PSTPIP2: variants seen among roughly 807,000 people sequenced by gnomAD.
PSTPIP2 encodes the protein proline-serine-threonine phosphatase-interacting protein 2.
In PSTPIP2, 33 loss-of-function variants were observed where a neutral mutation model predicts 63.3. That is an observed-to-expected ratio of 0.52 (90% CI 0.40 to 0.70). PSTPIP2 has a LOEUF of 0.70. PSTPIP2 is among the 30% of genes least tolerant of loss of function. The pLI, the probability that PSTPIP2 is intolerant of heterozygous loss-of-function variation, is 0.00. For synonymous variants in PSTPIP2, 125 were observed against 132.7 expected (o/e 0.94, Z 0.40); for missense variants, 312 against 400.7 (o/e 0.78, Z 1.89).
intron 6 of PSTPIP2, among the ~76,000 whole-genome samples, chr18:46,001,956 C>T (rs1454146927): frequency 1.3e-5 from 2 of 152,156 alleles, no homozygotes; most frequent in African/African-American, 4.8e-5. Flanking sequence ...ACTATAATCA[C>T]CATATCATGC....
chr18:46,062,586 G>A (rs1909030419), intron 1 of PSTPIP2, among the ~76,000 whole-genome samples: 1 of 152,034 alleles, frequency 6.6e-6, no homozygotes, highest in Non-Finnish European at 1.5e-5. Flanking sequence ...GTGCAGTGGT[G>A]CAGTCTCGGC....
chr18:46,063,307 A>G (rs1909056266), intron 1 of PSTPIP2, among the ~76,000 whole-genome samples: 1 of 152,192 alleles, frequency 6.6e-6, no homozygotes. Context: ...GCCCAATCAT[A>G]AGACACATAT....
intron 1 of PSTPIP2, among the ~76,000 whole-genome samples, chr18:46,059,123 G>A (rs143611035): frequency 0.025 from 3,830 of 151,002 alleles, 67 homozygotes; most frequent in Non-Finnish European, 0.039. Context: ...TGCAACCTCC[G>A]CCTCCCAGGT....
chr18:46,019,762 C>T (rs1568218703), intron 3 of PSTPIP2, among the ~76,000 whole-genome samples: 1 of 152,182 alleles, frequency 6.6e-6, no homozygotes, highest in African/African-American at 2.4e-5. Flanking sequence ...GATTGCACCA[C>T]TGCACTCCAG....
At chr18:45,990,630 A>G in intron 13 of PSTPIP2, 92 bp downstream of exon 13, 1 of 1,109,902 alleles carries the variant, frequency 9.0e-7, no homozygotes, top group South Asian at 1.3e-5. Flanking sequence ...GGGTTTCACC[A>G]TGTTGACCAG....
chr18:46,055,241 C>T (rs1394205049), intron 1 of PSTPIP2, among the ~76,000 whole-genome samples: 3 of 152,206 alleles, frequency 2.0e-5, no homozygotes, highest in Non-Finnish European at 4.4e-5. Flanking sequence ...CCCTCATACA[C>T]ATCCAGTGCC....
At chr18:46,000,316 C>A (rs1046822554) in intron 6 of PSTPIP2, among the ~76,000 whole-genome samples, 1 of 152,128 alleles carries the variant, frequency 6.6e-6, no homozygotes, top group Non-Finnish European at 1.5e-5. Flanking sequence ...ATGTGAACAG[C>A]CGGCAGGTTA....
chr18:46,004,743 C>T (rs1331191057), intron 6 of PSTPIP2, among the ~76,000 whole-genome samples: 1 of 152,070 alleles, frequency 6.6e-6, no homozygotes, highest in Non-Finnish European at 1.5e-5. Context: ...AAAAGAAAAA[C>T]CTTATACACT....
intron 6 of PSTPIP2, among the ~76,000 whole-genome samples, chr18:46,002,632 T>C (rs1216436055): frequency 6.6e-6 from 1 of 152,222 alleles, no homozygotes; most frequent in Non-Finnish European, 1.5e-5. Context: ...TTCTATTTCT[T>C]TGCCAGTCCT....
chr18:46,043,848 G>A (rs866969874), intron 1 of PSTPIP2, among the ~76,000 whole-genome samples: 3 of 151,800 alleles, frequency 2.0e-5, no homozygotes, highest in South Asian at 2.1e-4. Context: ...TCTATATACC[G>A]GTGGAAAAAA....
At chr18:45,985,633 A>G (rs985292435) in intron 14 of PSTPIP2, among the ~76,000 whole-genome samples, 183 bp from the exon 15 acceptor site, 1 of 152,228 alleles carries the variant, frequency 6.6e-6, no homozygotes, top group South Asian at 2.1e-4. Context: ...TATGGTAAAT[A>G]ATACATACAT....
At chr18:46,034,710 G>A (rs989341524) in intron 2 of PSTPIP2, among the ~76,000 whole-genome samples, 7 of 152,126 alleles carry the variant, frequency 4.6e-5, no homozygotes, top group East Asian at 1.9e-4. Flanking sequence ...GTTTGAAACC[G>A]TATCTACCGC....
At chr18:46,055,258 T>G (rs1908717184) in intron 1 of PSTPIP2, among the ~76,000 whole-genome samples, 1 of 152,108 alleles carries the variant, frequency 6.6e-6, no homozygotes, top group African/African-American at 2.4e-5. Flanking sequence ...TGCCTCTCCC[T>G]CCAATCACCT....
Position 45,985,246 on chromosome 18 carries a change from G to A in PSTPIP2, c.*213C>T. The stretch of plus-strand genomic sequence containing the variant: ...CTGGGAAAGAATAATTCTTCAGAAT[G>A]GGGCAATTTGTAAACTTCAAAAAAC... On this transcript the variant is annotated 3_prime_UTR_variant, in exon 15 of 15. Coordinates refer to ENST00000409746, the MANE Select transcript of PSTPIP2 (RefSeq NM_024430.4). 1 of 596,532 alleles carries A rather than the reference G, an allele frequency of 1.7e-6. No individual in the cohort carries two copies. The highest frequency in any genetic ancestry group is 2.9e-6 in the Non-Finnish European group (1 of 347,188). 37.0% of individuals were successfully genotyped at this position (596,532 alleles called of 1,614,324 possible).
chr18:46,064,012 T>C (rs140804120), intron 1 of PSTPIP2, among the ~76,000 whole-genome samples: 1 of 152,326 alleles, frequency 6.6e-6, no homozygotes, highest in African/African-American at 2.4e-5. Flanking sequence ...GAATCTGTCA[T>C]GTGCCAGGCA....
chr18:46,065,790 C>T (rs138853487), intron 1 of PSTPIP2, among the ~76,000 whole-genome samples: 18 of 151,798 alleles, frequency 1.2e-4, no homozygotes, highest in Admixed American at 5.9e-4. Flanking sequence ...TTAGTAGAGA[C>T]GAGATTTCAC....
At chr18:45,992,283 C>T (rs903969613) in intron 10 of PSTPIP2, 81 bp from the exon 11 acceptor site, 19 of 1,226,448 alleles carry the variant, frequency 1.5e-5, no homozygotes, top group East Asian at 7.7e-5. Flanking sequence ...GGGTTTGAGG[C>T]GGGGCGCAGT....
At chr18:46,040,985 C>T (rs1015846842) in intron 1 of PSTPIP2, 4 of 456,944 alleles carry the variant, frequency 8.8e-6, no homozygotes, top group African/African-American at 8.0e-5. Context: ...CGCTACAGGA[C>T]CATGTAACCT....
intron 1 of PSTPIP2, among the ~76,000 whole-genome samples, chr18:46,061,306 C>CAA (rs112035966): frequency 9.5e-5 from 11 of 115,952 alleles, no homozygotes; most frequent in Middle Eastern, 4.2e-3. Flanking sequence ...TCCATTTCAC[C>CAA]AAAAAAAAAA....
Sources: allele counts gnomAD v4.1 joint callset (sites outside exome capture counted in the v4.1 genomes callset), GRCh38; gene constraint gnomAD v4.1.1; transcripts MANE v1.5; gene names NCBI Gene and HGNC (gene_info 2026-07-23, HGNC 2026-07-21).